Variants in VPS13D observed in about 807,000 individuals in gnomAD.
VPS13D encodes vacuolar protein sorting 13 homolog D.
A neutral mutation model predicts 461.9 loss-of-function variants in VPS13D; 187 were observed. That is an observed-to-expected ratio of 0.40 (90% CI 0.36 to 0.46). The LOEUF is 0.46. Among genes scored for constraint, VPS13D ranks in the 20% least tolerant of loss-of-function variants. VPS13D has a pLI of 0.60. For synonymous variants in VPS13D, 1,951 were observed against 1,986.3 expected, an observed-to-expected ratio of 0.98 and a Z score of 0.47; for missense variants, 4,711 against 5,364.9, an observed-to-expected ratio of 0.88 and a Z score of 3.81.
chr1:12,482,465 A>T (rs937804658), intron 67 of VPS13D, among the ~76,000 whole-genome samples: 27 of 152,228 alleles, frequency 1.8e-4, no homozygotes, highest in Admixed American at 3.9e-4. Flanking sequence ...CATCTTTTTT[A>T]AAACATAGTT....
In VPS13D at chr1:12,478,596, A is replaced by G. The variant is rs116642743; in HGVS notation, c.12662+18200A>G. The G allele has an allele frequency of 4.1e-3, 1,448 of 352,168 alleles. 17 individuals carry two copies. The highest frequency in any genetic ancestry group is 0.026 in the African/African-American group (1,225 of 46,894). 21.8% of individuals were successfully genotyped at this position (352,168 alleles called of 1,614,324 possible). A position where few individuals can be genotyped will look rare whatever the true frequency, so the allele number is the denominator to read the frequency against. On this transcript the variant is annotated intron_variant, in intron 67 of 69. Transcript: ENST00000620676. ...ACCAGCTGCCATTCAGAACTTGCCC[A>G]TCTGAGGTCATAAAGGAAAGCCTGC...
chr1:12,271,135 A>C lies in VPS13D; in HGVS notation c.2103+11A>C. On this transcript the variant is annotated intron_variant, in intron 17 of 69. Coordinates refer to ENST00000620676, the MANE Select transcript of VPS13D (RefSeq NM_015378.4). ...GTGGGTGATTTCATTGTAAGTGGGC[A>C]TCCATAAACACTCTTTGGGGATTGG... The C allele has an allele frequency of 3.1e-6, 5 of 1,613,968 alleles. No homozygotes were observed. Among genetic ancestry groups the C allele is most frequent in the Non-Finnish European group, 4.2e-6 (5 of 1,179,898 alleles).
intron 25 of VPS13D, among the ~76,000 whole-genome samples, chr1:12,303,943 G>A (rs988248463): frequency 6.6e-6 from 1 of 152,162 alleles, no homozygotes; most frequent in Non-Finnish European, 1.5e-5. Context: ...TTCTCTGTTA[G>A]CCCTTCTTAA....
chr1:12,450,892 A>G (rs1645254859), intron 65 of VPS13D, among the ~76,000 whole-genome samples: 2 of 152,310 alleles, frequency 1.3e-5, no homozygotes, highest in South Asian at 2.1e-4. Context: ...GTATTTGGTT[A>G]CCATCTTCCC....
At chr1:12,333,194 G>A (rs1179450981) in intron 37 of VPS13D, 32 bp from the exon 38 acceptor site, 2 of 1,609,996 alleles carry the variant, frequency 1.2e-6, no homozygotes, top group East Asian at 2.2e-5. Flanking sequence ...GATATCTGCT[G>A]AACAGATGTC....
At chr1:12,395,582 C>G (rs1407133019) in intron 60 of VPS13D, among the ~76,000 whole-genome samples, 1 of 152,136 alleles carries the variant, frequency 6.6e-6, no homozygotes, top group Non-Finnish European at 1.5e-5. Flanking sequence ...GCTTCTGAAG[C>G]TGGGAGACAG....
intron 67 of VPS13D, among the ~76,000 whole-genome samples, chr1:12,476,574 C>T (rs955601848): frequency 2.6e-5 from 4 of 152,214 alleles, no homozygotes; most frequent in Non-Finnish European, 4.4e-5. Flanking sequence ...TAATTGAACC[C>T]TGAACATGTA....
At position 12,473,478 on chromosome 1, in the gene VPS13D, T is replaced by C. The variant is rs567990275; in HGVS notation, c.12662+13082T>C. Among the ~76,000 whole-genome samples, 2 of 152,310 alleles carry C rather than the reference T, an allele frequency of 1.3e-5. No homozygotes were observed. The highest frequency in any genetic ancestry group is 4.2e-4 in the South Asian group (2 of 4,812). ...TGGCCCTGGGTTTGAGTCATTGGGC[T>C]GCTGCTTGGCTGTGACCTGGAACAA... On this transcript the variant is annotated intron_variant, in intron 67 of 69. Coordinates refer to ENST00000620676, the MANE Select transcript of VPS13D (RefSeq NM_015378.4). The surrounding 1 kb of genome is among the most constrained non-coding windows in gnomAD (Gnocchi z 4.2).
At chr1:12,500,077 T>C (rs1646015691) in intron 68 of VPS13D, 1 of 985,442 alleles carries the variant, frequency 1.0e-6, no homozygotes, top group South Asian at 4.7e-5. Flanking sequence ...CTGGAAAATA[T>C]TGTGTAATTA....
chr1:12,255,822 C>T lies in VPS13D; in HGVS notation c.670-511C>T, dbSNP rs375132661. 2.9e-4 allele frequency among the ~76,000 whole-genome samples: 43 copies of T among 146,608 alleles called. 3 individuals are homozygous for T. The highest frequency in any genetic ancestry group is 2.2e-3 in the Admixed American group (32 of 14,448). On this transcript the variant is annotated intron_variant, in intron 7 of 69. Coordinates refer to ENST00000620676, the MANE Select transcript of VPS13D (RefSeq NM_015378.4). The stretch of plus-strand genomic sequence containing the variant: ...AGGAAAATTGCTTAAACCGGGGAGT[C>T]GGAGGTTGCAGTGAGCCGAGATTGC...
Position 12,299,413 on chromosome 1 carries a change from C to A in VPS13D, c.6216+29C>A. On this transcript the variant is annotated intron_variant, in intron 25 of 69. Coordinates refer to ENST00000620676, the MANE Select transcript of VPS13D (RefSeq NM_015378.4). This position sits in a 1 kb window ranked among gnomAD's most constrained non-coding sequence, Gnocchi z 4.2. Reference sequence around the variant, plus strand: ...AGCAATCAGTATCCATTTCCTTTTCCGTTCAGCTAGTATTTGATCACTAAT... The same window carrying A: ...AGCAATCAGTATCCATTTCCTTTTCAGTTCAGCTAGTATTTGATCACTAAT... 2 of 1,573,208 alleles carry A rather than the reference C, an allele frequency of 1.3e-6. No homozygotes were observed. Among genetic ancestry groups the A allele is most frequent in the East Asian group, 4.5e-5 (2 of 44,420 alleles).
chr1:12,490,841 G>T (rs903953972), intron 67 of VPS13D, among the ~76,000 whole-genome samples: 6 of 152,166 alleles, frequency 3.9e-5, no homozygotes, highest in Non-Finnish European at 8.8e-5. Context: ...TGGCATGGTG[G>T]GAGCTACAGG....
At chr1:12,471,919 A>G (rs780957808) in intron 67 of VPS13D, among the ~76,000 whole-genome samples, 1 of 151,968 alleles carries the variant, frequency 6.6e-6, no homozygotes, top group Non-Finnish European at 1.5e-5. Context: ...TTCTTTAAAA[A>G]AGAAAAAAAA....
intron 54 of VPS13D, among the ~76,000 whole-genome samples, chr1:12,372,308 C>G (rs1244468425): frequency 1.3e-5 from 2 of 152,144 alleles, no homozygotes; most frequent in Non-Finnish European, 2.9e-5. Flanking sequence ...TGCTATCTAC[C>G]TGCCACAGCC....
Position 12,314,343 on chromosome 1 carries a change from C to A in VPS13D, c.7148+16C>A. The A allele has an allele frequency of 6.3e-7, 1 of 1,599,110 alleles. No individual in the cohort carries two copies. The highest frequency in any genetic ancestry group is 1.8e-4 in the Middle Eastern group (1 of 5,488). ...TACATTTCAGGTAGCAGGTCCAGACCCTTCTCTGCCTTTCTTTGTGGAGAC... is the reference window on the plus strand; with the variant it reads ...TACATTTCAGGTAGCAGGTCCAGACACTTCTCTGCCTTTCTTTGTGGAGAC... On this transcript the variant is annotated intron_variant, in intron 30 of 69. Coordinates refer to ENST00000620676, the MANE Select transcript of VPS13D (RefSeq NM_015378.4).
chr1:12,364,280 T>A (rs139759031), intron 52 of VPS13D, among the ~76,000 whole-genome samples: 2,872 of 152,298 alleles, frequency 0.019, 110 homozygotes, highest in Admixed American at 0.099. Context: ...ATTTGACTAC[T>A]CTAGGTACCT....
At chr1:12,245,727 A>G (rs1640529746) in intron 5 of VPS13D, among the ~76,000 whole-genome samples, 1 of 150,810 alleles carries the variant, frequency 6.6e-6, no homozygotes. Flanking sequence ...AAAACCCTGT[A>G]TCTTAAAAAA....
Position 12,256,146 on chromosome 1 carries a change from T to G in VPS13D, c.670-187T>G. The G allele has an allele frequency of 3.5e-6, 2 of 579,348 alleles. 1 individual carries two copies. Among genetic ancestry groups the G allele is most frequent in the Middle Eastern group, 9.9e-4 (2 of 2,026 alleles). The allele number at this position is 579,348 out of a possible 1,614,324, so 35.9% of individuals were successfully genotyped here. On this transcript the variant is annotated intron_variant, in intron 7 of 69. Coordinates refer to ENST00000620676, the MANE Select transcript of VPS13D (RefSeq NM_015378.4). Reference sequence around the variant, plus strand: ...GGGTTCAAGACCAGACAGGGCAATATAGTGAGATCCTGTCCCTATATAAAA... The same window carrying G: ...GGGTTCAAGACCAGACAGGGCAATAGAGTGAGATCCTGTCCCTATATAAAA...
chr1:12,328,929 C>T (rs1643261182), intron 36 of VPS13D, among the ~76,000 whole-genome samples: 1 of 152,172 alleles, frequency 6.6e-6, no homozygotes. Context: ...CCTCTTCTTC[C>T]TTCAGGTAAA....
Sources: gnomAD v4.1 joint callset for allele counts (sites outside exome capture counted in the v4.1 genomes callset) on GRCh38, gnomAD v4.1.1 for gene constraint, Gnocchi (gnomAD v3.1) non-coding constraint, MANE v1.5 for transcripts, NCBI Gene and HGNC (gene_info 2026-07-23, HGNC 2026-07-21) for gene names.